The following XKR4 variants were observed in gnomAD, a reference collection of about 807,000 sequenced individuals.
XKR4 encodes XK related 4, also known as XK-related protein 4.
A neutral mutation model predicts 53.9 loss-of-function variants in XKR4; 12 were observed. The ratio of observed to expected loss-of-function variants is 0.22; its 90% CI spans 0.14 to 0.36. XKR4 has a LOEUF of 0.36. Among genes scored for constraint, XKR4 ranks in the 10% least tolerant of loss-of-function variants. The pLI is 1.00. For missense variants in XKR4, 799 were observed against 859.5 expected (o/e 0.93, Z 0.88); for synonymous variants, 354 against 362.4 (o/e 0.98, Z 0.26).
At chr8:55,405,946 C>G (rs1204869173) in intron 2 of XKR4, among the ~76,000 whole-genome samples, 1 of 152,146 alleles carries the variant, frequency 6.6e-6, no homozygotes, top group East Asian at 1.9e-4. Context: ...CATCTGGACC[C>G]CACAGGAGTG....
chr8:55,461,839 G>A (rs1340036902), intron 2 of XKR4, among the ~76,000 whole-genome samples: 1 of 152,232 alleles, frequency 6.6e-6, no homozygotes, highest in Non-Finnish European at 1.5e-5. Flanking sequence ...ACAAGCCTCA[G>A]TAACTGATGC....
Position 55,540,382 on chromosome 8 carries a change from C to G in XKR4, c.*16155C>G, listed in dbSNP as rs1807085442. The G allele has an allele frequency of 6.6e-6, 1 of 152,158 alleles. No individual in the cohort carries two copies. Among genetic ancestry groups the G allele is most frequent in the African/African-American group, 2.4e-5 (1 of 41,444 alleles). The allele number at this position is 152,158 out of a possible 1,614,324, so 9.4% of individuals were successfully genotyped here. On this transcript the variant is annotated 3_prime_UTR_variant, in exon 3 of 3. Coordinates refer to ENST00000327381, the MANE Select transcript of XKR4 (RefSeq NM_052898.2). ...TATTGCTGACATATTATTATCATCACAAAATTCCTTTTATATCTAGATGGT... is the reference window on the plus strand; with the variant it reads ...TATTGCTGACATATTATTATCATCAGAAAATTCCTTTTATATCTAGATGGT...
At chr8:55,163,345 G>T (rs1817013991) in intron 1 of XKR4, among the ~76,000 whole-genome samples, 1 of 152,212 alleles carries the variant, frequency 6.6e-6, no homozygotes, top group African/African-American at 2.4e-5. Flanking sequence ...AAGAGAGGAT[G>T]AGGCCCTGTG....
chr8:55,298,244 A>G (rs1819127951), intron 1 of XKR4, among the ~76,000 whole-genome samples: 1 of 152,172 alleles, frequency 6.6e-6, no homozygotes. Flanking sequence ...TAATGTAAAA[A>G]CTTACAGAAA....
At chr8:55,462,277 T>C (rs551494992) in intron 2 of XKR4, among the ~76,000 whole-genome samples, 2 of 152,350 alleles carry the variant, frequency 1.3e-5, no homozygotes, top group Admixed American at 1.3e-4. Context: ...GCTGATAGCT[T>C]GGCAGAAACT....
At chr8:55,196,323 A>T (rs1180460015) in intron 1 of XKR4, among the ~76,000 whole-genome samples, 2 of 152,006 alleles carry the variant, frequency 1.3e-5, no homozygotes. Flanking sequence ...CTGGGATTAC[A>T]GGCATTCACC....
intron 1 of XKR4, among the ~76,000 whole-genome samples, chr8:55,261,640 T>C (rs1003494078): frequency 8.5e-5 from 13 of 152,170 alleles, no homozygotes; most frequent in Admixed American, 5.9e-4. Context: ...ATGCAAAACA[T>C]GCAAAATAAA....
chr8:55,451,109 C>T, intron 2 of XKR4: 1 of 518,944 alleles, frequency 1.9e-6, no homozygotes. Context: ...GGCCTTTGTC[C>T]CCGAGGATGT....
chr8:55,319,477 G>A (rs1803173757), intron 1 of XKR4, among the ~76,000 whole-genome samples: 1 of 152,156 alleles, frequency 6.6e-6, no homozygotes, highest in Non-Finnish European at 1.5e-5. Context: ...CATTTGCGAT[G>A]TTTCTAAAGG....
At position 55,146,042 on chromosome 8, in the gene XKR4, T is replaced by C. The variant is rs112567864; in HGVS notation, c.806+42748T>C. On this transcript the variant is annotated intron_variant, in intron 1 of 2. Coordinates refer to ENST00000327381, the MANE Select transcript of XKR4 (RefSeq NM_052898.2). ...TGAAGGAAAACTGATGCTTTGCAAATGGGAATTATGAAATGACATTGTAAC... is the reference window on the plus strand; with the variant it reads ...TGAAGGAAAACTGATGCTTTGCAAACGGGAATTATGAAATGACATTGTAAC... Among the ~76,000 whole-genome samples the C allele has an allele frequency of 3.2e-3, 495 of 152,328 alleles. 3 individuals are homozygous for C. Among genetic ancestry groups the C allele is most frequent in the African/African-American group, 8.5e-3 (355 of 41,562 alleles).
intron 1 of XKR4, among the ~76,000 whole-genome samples, chr8:55,160,130 G>T (rs1816964375): frequency 6.6e-6 from 1 of 152,232 alleles, no homozygotes. Context: ...GCATAAGGGT[G>T]TAGTCATGAG....
At chr8:55,276,063 G>T (rs1038638598) in intron 1 of XKR4, among the ~76,000 whole-genome samples, 1 of 152,166 alleles carries the variant, frequency 6.6e-6, no homozygotes. Context: ...GATTGTTAAG[G>T]CTCCGGGTAA....
rs1281060461 is a variant in XKR4, at chr8:55,528,016, A to C, written c.*3789A>C. 3 of 152,220 alleles carry C rather than the reference A, an allele frequency of 2.0e-5. No individual in the cohort carries two copies. The highest frequency in any genetic ancestry group is 4.4e-5 in the Non-Finnish European group (3 of 68,038). 9.4% of individuals were successfully genotyped at this position (152,220 alleles called of 1,614,324 possible). On this transcript the variant is annotated 3_prime_UTR_variant, in exon 3 of 3. Transcript: ENST00000327381. ...TATATGTATGTACACACACACACAC[A>C]CACACTTTCCAACTAAAGTAACAGA...
intron 2 of XKR4, chr8:55,450,015 G>A: frequency 1.0e-5 from 8 of 787,054 alleles, no homozygotes; most frequent in South Asian, 7.3e-5. Context: ...GGTGAGGTGC[G>A]GTGGACACTA....
At chr8:55,171,990 G>A (rs924783728) in intron 1 of XKR4, among the ~76,000 whole-genome samples, 4 of 152,116 alleles carry the variant, frequency 2.6e-5, no homozygotes, top group Non-Finnish European at 4.4e-5. Context: ...GAGGCAGGCA[G>A]ATCACTTAAG....
chr8:55,524,665 C>A lies in XKR4; in HGVS notation c.*438C>A, dbSNP rs1411713473. On this transcript the variant is annotated 3_prime_UTR_variant, in exon 3 of 3. Coordinates refer to ENST00000327381, the MANE Select transcript of XKR4 (RefSeq NM_052898.2). The stretch of plus-strand genomic sequence containing the variant: ...TCCTCTGTCAAAAAAGCTTAGGTGA[C>A]TTTTCTTGATGCAAAGCTCTGATTC... 5 of 155,940 alleles carry A rather than the reference C, an allele frequency of 3.2e-5. No homozygotes were observed. The highest frequency in any genetic ancestry group is 7.1e-5 in the Non-Finnish European group (5 of 70,872). The allele number at this position is 155,940 out of a possible 1,614,324, so 9.7% of individuals were successfully genotyped here.
chr8:55,516,814 C>G (rs1355391611), intron 2 of XKR4, among the ~76,000 whole-genome samples: 5 of 152,160 alleles, frequency 3.3e-5, no homozygotes, highest in Non-Finnish European at 1.5e-5. Flanking sequence ...TGAAAAGACA[C>G]CTGCACTTGT....
At chr8:55,291,890 C>A (rs113042708) in intron 1 of XKR4, among the ~76,000 whole-genome samples, 204 of 152,034 alleles carry the variant, frequency 1.3e-3, no homozygotes, top group African/African-American at 4.8e-3. Flanking sequence ...TTTTTAAAAT[C>A]ATAAATGAAT....
intron 1 of XKR4, among the ~76,000 whole-genome samples, chr8:55,198,043 T>C (rs1215287445): frequency 1.3e-5 from 2 of 152,222 alleles, no homozygotes; most frequent in East Asian, 1.9e-4. Context: ...AAGGTCTTGC[T>C]TACTTGGCAA....
Sources: allele counts gnomAD v4.1 joint callset (sites outside exome capture counted in the v4.1 genomes callset), GRCh38; gene constraint gnomAD v4.1.1; transcripts MANE v1.5; gene names NCBI Gene and HGNC (gene_info 2026-07-23, HGNC 2026-07-21).